SGSM2: variants seen among roughly 807,000 people sequenced by gnomAD.
SGSM2 encodes the protein RUN and TBC1 domain containing 1.
SGSM2 carries 89 observed loss-of-function variants against 126.6 expected under a neutral mutation model. The ratio of observed to expected loss-of-function variants is 0.70; its 90% confidence interval spans 0.59 to 0.84. The LOEUF (loss-of-function observed/expected upper bound fraction) is 0.84. Among genes scored for constraint, SGSM2 ranks in the 40% least tolerant of loss-of-function variants. The probability of loss-of-function intolerance (pLI) is 0.00; values close to 1 mark genes in which losing one functional copy is unlikely to be tolerated. For missense variants in SGSM2, 1,404 were observed against 1,416.6 expected (o/e 0.99, Z 0.14); for synonymous variants, 614 against 574.3 (o/e 1.07, Z -0.99).
chr17:2,347,070 CAG>C (rs767722098), intron 2 of SGSM2, among the ~76,000 whole-genome samples: 10 of 150,622 alleles, frequency 6.6e-5, no homozygotes, highest in Admixed American at 2.0e-4. Flanking sequence ...GCTTGGGCAA[CAG>C]AGAGAGAGAG....
chr17:2,373,143 G>T, intron 16 of SGSM2, 62 bp downstream of exon 16: 1 of 1,596,962 alleles, frequency 6.3e-7, no homozygotes. Flanking sequence ...GGACGCCAGG[G>T]AGGGGACCTT....
At chr17:2,340,830 C>T (rs1032554134) in intron 1 of SGSM2, among the ~76,000 whole-genome samples, 6 of 152,030 alleles carry the variant, frequency 3.9e-5, no homozygotes, top group South Asian at 2.1e-4. Flanking sequence ...GTGATCCGCC[C>T]ACCTTGGCCT....
At chr17:2,352,290 T>G (rs2064888259) in intron 2 of SGSM2, among the ~76,000 whole-genome samples, 2 of 152,174 alleles carry the variant, frequency 1.3e-5, no homozygotes, top group Admixed American at 1.3e-4. Flanking sequence ...GGCTTTTGAA[T>G]TCTGCTCTAA....
At position 2,364,242 on chromosome 17, in the gene SGSM2, C is replaced by T. The variant is rs1597360541; in HGVS notation, c.932+59C>T. The T allele has an allele frequency of 5.0e-6, 8 of 1,605,358 alleles. No individual in the cohort carries two copies. The East Asian group carries it at 1.8e-4, about 36-fold the overall frequency. ...GGCAGGGAGTGGGTTTGACCTCAGGCAGAGGGATGGAGAAACCCCGCTTGC... is the reference window on the plus strand; with the variant it reads ...GGCAGGGAGTGGGTTTGACCTCAGGTAGAGGGATGGAGAAACCCCGCTTGC... On this transcript the variant is annotated intron_variant, in intron 8 of 23. Coordinates refer to ENST00000268989, the MANE Select transcript of SGSM2 (RefSeq NM_014853.3).
Position 2,364,055 on chromosome 17 carries a change from G to A in SGSM2, c.808-4G>A. 6.2e-7 allele frequency: 1 copy of A among 1,614,068 alleles called. No homozygotes were observed. Among genetic ancestry groups the A allele is most frequent in the Non-Finnish European group, 8.5e-7 (1 of 1,180,010 alleles). On this transcript the variant is annotated splice_region_variant and splice_polypyrimidine_tract_variant and intron_variant, in intron 7 of 23. Coordinates refer to ENST00000268989, the MANE Select transcript of SGSM2 (RefSeq NM_014853.3). ...CGTCGGTCTTCCGGTGTCTCCCGCT[G>A]TAGAAGGAGGATATGGAGGCGGTCC...
At position 2,364,144 on chromosome 17, in the gene SGSM2, T is replaced by C. The variant is rs2065449794; in HGVS notation, c.893T>C (p.Leu298Pro). ...SLTLKWTPNQLMNGTLGDSEL... is the reference protein window; with the variant it reads ...SLTLKWTPNQPMNGTLGDSEL... ...ACTCTGAAGTGGACCCCCAACCAGCTCATGAATGGGACTCTGGGGGACTCC... is the reference window on the plus strand; with the variant it reads ...ACTCTGAAGTGGACCCCCAACCAGCCCATGAATGGGACTCTGGGGGACTCC... The change falls in exon 8 of 24, where the codon CTC (leucine) becomes CCC (proline). Residue 298 changes from leucine (L) to proline (P), a missense_variant. By Grantham distance (98) the Leu-to-Pro change is moderately conservative. Coordinates refer to ENST00000268989, the MANE Select transcript of SGSM2 (RefSeq NM_014853.3). 3 of 1,613,834 alleles carry C rather than the reference T, an allele frequency of 1.9e-6. No homozygotes were observed. Among genetic ancestry groups the C allele is most frequent in the East Asian group, 4.5e-5 (2 of 44,860 alleles).
intron 12 of SGSM2, among the ~76,000 whole-genome samples, chr17:2,368,826 G>A (rs577975552): frequency 6.6e-6 from 1 of 152,338 alleles, no homozygotes; most frequent in South Asian, 2.1e-4. Context: ...AGTGTGGGAA[G>A]GTTGAGCTCT....
At chr17:2,378,941 A>C in intron 22 of SGSM2, 95 bp from the exon 23 acceptor site, 1 of 1,425,036 alleles carries the variant, frequency 7.0e-7, no homozygotes, top group Non-Finnish European at 9.5e-7. Flanking sequence ...CCTCAGCCTC[A>C]GCCCCAGCCT....
At chr17:2,375,367 G>T in intron 17 of SGSM2, 125 bp from the exon 18 acceptor site, 2 of 1,248,522 alleles carry the variant, frequency 1.6e-6, no homozygotes, top group Non-Finnish European at 2.2e-6. Context: ...CCACAGTGTT[G>T]GAGGCTGTGG....
At chr17:2,360,729 C>T (rs16952099) in intron 2 of SGSM2, among the ~76,000 whole-genome samples, 12,691 of 152,284 alleles carry the variant, frequency 0.083, 868 homozygotes, top group African/African-American at 0.19. Flanking sequence ...GTTTCCAGTC[C>T]GTGTGAAAAA....
Position 2,367,092 on chromosome 17 carries a change from T to C in SGSM2, c.1289-179T>C. On this transcript the variant is annotated intron_variant, in intron 11 of 23. Transcript: ENST00000268989. This position sits in a 1 kb window ranked among gnomAD's most constrained non-coding sequence, Gnocchi z 4.0. ...GCAGCTGCCCCAGCCCCTCGCCTCC[T>C]TCCACACTCTCCCAGGAAAATCATC... The C allele has an allele frequency of 2.9e-6, 2 of 697,122 alleles. No homozygotes were observed. Among genetic ancestry groups the C allele is most frequent in the Non-Finnish European group, 4.6e-6 (2 of 432,312 alleles). 43.2% of individuals were successfully genotyped at this position (697,122 alleles called of 1,614,324 possible).
chr17:2,364,321 C>A, intron 8 of SGSM2, 138 bp downstream of exon 8: 1 of 1,162,006 alleles, frequency 8.6e-7, no homozygotes, highest in Non-Finnish European at 1.2e-6. Context: ...CAGGGAGCGG[C>A]TGCCTGGAGT....
intron 11 of SGSM2, chr17:2,366,475 C>T (rs2002863): frequency 0.47 from 71,093 of 152,086 alleles, 16,954 homozygotes; most frequent in East Asian, 0.64. Context: ...TATTAGGGAC[C>T]GGACTGCCCA....
At chr17:2,352,767 C>CTTTT (rs71150860) in intron 2 of SGSM2, among the ~76,000 whole-genome samples, 5 of 85,960 alleles carry the variant, frequency 5.8e-5, no homozygotes, top group Admixed American at 1.3e-4. Flanking sequence ...GCTGCATTTT[C>CTTTT]TTTTTTTTTT....
intron 2 of SGSM2, among the ~76,000 whole-genome samples, chr17:2,346,200 G>A (rs1359740876): frequency 1.3e-5 from 2 of 152,148 alleles, no homozygotes; most frequent in African/African-American, 4.8e-5. Flanking sequence ...CGTGCTGAGA[G>A]GTCAAGAGCA....
intron 21 of SGSM2, 79 bp from the exon 22 acceptor site, chr17:2,377,778 C>T (rs575110587): frequency 2.0e-5 from 18 of 910,904 alleles, no homozygotes; most frequent in African/African-American, 1.8e-4. Flanking sequence ...CATCCCTGGG[C>T]GTGAGCGGAC....
At chr17:2,350,158 G>A (rs986476894) in intron 2 of SGSM2, among the ~76,000 whole-genome samples, 1 of 151,740 alleles carries the variant, frequency 6.6e-6, no homozygotes, top group African/African-American at 2.4e-5. Flanking sequence ...CTGACCTCAG[G>A]TGATCCACCT....
Position 2,343,583 on chromosome 17 carries a change from T to G in SGSM2, c.96T>G (p.Phe32Leu), listed in dbSNP as rs202091935. The change falls in exon 2 of 24, where the codon TTT becomes TTG. Residue 32 changes from phenylalanine (F) to leucine (L), a missense_variant. Transcript: ENST00000268989. Reference protein sequence around the residue: ...QIMEEAVTRKFVHEDSSHIIA... With the variant: ...QIMEEAVTRKLVHEDSSHIIA... Reference sequence around the variant, plus strand: ...TGGAGGAGGCTGTCACCAGGAAGTTTGTGCATGAAGACAGCAGCCACATCA... The same window carrying G: ...TGGAGGAGGCTGTCACCAGGAAGTTGGTGCATGAAGACAGCAGCCACATCA... The G allele has an allele frequency of 2.0e-5, 32 of 1,614,190 alleles. No individual in the cohort carries two copies. In the Admixed American group the frequency reaches 2.2e-4, roughly 11 times the overall value.
At chr17:2,346,713 G>T (rs989704130) in intron 2 of SGSM2, among the ~76,000 whole-genome samples, 1 of 152,120 alleles carries the variant, frequency 6.6e-6, no homozygotes. Context: ...TCTGTGTGCT[G>T]TTCCCAGGCC....
Sources: gnomAD v4.1 joint callset for allele counts (sites outside exome capture counted in the v4.1 genomes callset) on GRCh38, gnomAD v4.1.1 for gene constraint, Gnocchi (gnomAD v3.1) non-coding constraint, MANE v1.5 for transcripts, NCBI Gene and HGNC (gene_info 2026-07-23, HGNC 2026-07-21) for gene names.